PAN3: variants seen among roughly 807,000 people sequenced by gnomAD.
PAN3 encodes PAN2-PAN3 deadenylation complex subunit PAN3.
Under a neutral mutation model 96.2 loss-of-function variants are expected in PAN3, and 19 were observed. The ratio of observed to expected loss-of-function variants is 0.20; its 90% CI spans 0.14 to 0.29. The LOEUF is 0.29. PAN3 is among the 10% of genes least tolerant of loss of function. The pLI is 1.00. For missense variants in PAN3, 882 were observed against 1,108.1 expected (o/e 0.80, Z 2.90); for synonymous variants, 433 against 406.6 (o/e 1.06, Z -0.78).
chr13:28,195,264 G>A (rs1447011957), intron 4 of PAN3, among the ~76,000 whole-genome samples: 5 of 152,110 alleles, frequency 3.3e-5, no homozygotes, highest in East Asian at 3.9e-4. Context: ...TTAGCCTGGC[G>A]TGGTGGCACA....
chr13:28,146,951 C>T (rs912505570), intron 1 of PAN3, among the ~76,000 whole-genome samples: 2 of 151,760 alleles, frequency 1.3e-5, no homozygotes, highest in Non-Finnish European at 2.9e-5. Flanking sequence ...CCACTGCATT[C>T]CAGCCTGGTG....
At chr13:28,261,820 G>T in intron 9 of PAN3, among the ~76,000 whole-genome samples, 1 of 113,204 alleles carries the variant, frequency 8.8e-6, no homozygotes, top group Non-Finnish European at 1.7e-5. Context: ...GTGACAGAGT[G>T]AGACCCTGTC....
chr13:28,206,751 G>A (rs78296348), intron 5 of PAN3, among the ~76,000 whole-genome samples: 1 of 105,608 alleles, frequency 9.5e-6, no homozygotes, highest in East Asian at 2.6e-4. Context: ...TTTTTTTTTT[G>A]TAAGACTTCT....
chr13:28,220,186 T>G, intron 5 of PAN3, 45 bp from the exon 6 acceptor site: 1 of 1,566,490 alleles, frequency 6.4e-7, no homozygotes, highest in Non-Finnish European at 8.7e-7. Flanking sequence ...AATGTCTTTT[T>G]TCGGCTTAAA....
At chr13:28,141,003 C>CATTTTTTTTTT (rs1869701953) in intron 1 of PAN3, among the ~76,000 whole-genome samples, 1 of 112,944 alleles carries the variant, frequency 8.9e-6, no homozygotes, top group Non-Finnish European at 1.8e-5. Context: ...GAAAGAGACA[C>CATTTTTTTTTT]TTTTTTTTTT....
At chr13:28,244,796 T>A (rs1884020092) in intron 6 of PAN3, among the ~76,000 whole-genome samples, 1 of 152,204 alleles carries the variant, frequency 6.6e-6, no homozygotes, top group South Asian at 2.1e-4. Context: ...TGATGCTTTT[T>A]TTCCCCCACA....
intron 8 of PAN3, among the ~76,000 whole-genome samples, chr13:28,261,183 C>G (rs1885690190): frequency 6.6e-6 from 1 of 152,176 alleles, no homozygotes; most frequent in African/African-American, 2.4e-5. Flanking sequence ...AGGGGCACAT[C>G]TACTTAAACC....
chr13:28,209,265 G>A (rs1879749283), intron 5 of PAN3, among the ~76,000 whole-genome samples: 1 of 152,152 alleles, frequency 6.6e-6, no homozygotes, highest in Non-Finnish European at 1.5e-5. Flanking sequence ...GTACGAAGAA[G>A]AAGGCAAAAA....
intron 4 of PAN3, among the ~76,000 whole-genome samples, chr13:28,189,569 C>T (rs1277087891): frequency 6.6e-6 from 1 of 152,038 alleles, no homozygotes. Context: ...AGATCAAGCT[C>T]CAAGGGGGCA....
intron 12 of PAN3, among the ~76,000 whole-genome samples, chr13:28,270,221 A>AG (rs1289927582): frequency 1.3e-5 from 2 of 152,234 alleles, no homozygotes; most frequent in African/African-American, 4.8e-5. Flanking sequence ...TTTGTGGTAG[A>AG]GGGGCCTGAG....
rs982422372 is a variant in PAN3 at position 28,212,372 on chromosome 13, C to G, written c.853-7859C>G. On this transcript the variant is annotated intron_variant, in intron 5 of 18. Transcript: ENST00000380958. ...TAATTTGTAAGCAGTTTAGCTACAA[C>G]AGAGAGCAAAGGTCAAGAAGATTTA... Among the ~76,000 whole-genome samples, 3 of 152,098 alleles carry G rather than the reference C, an allele frequency of 2.0e-5. No homozygotes were observed. In the South Asian group the frequency reaches 6.2e-4, roughly 32 times the overall value.
At chr13:28,255,614 C>T (rs967539565) in intron 6 of PAN3, among the ~76,000 whole-genome samples, 1 of 151,982 alleles carries the variant, frequency 6.6e-6, no homozygotes, top group African/African-American at 2.4e-5. Flanking sequence ...TATCAATTGG[C>T]CTAATTCTAA....
intron 1 of PAN3, among the ~76,000 whole-genome samples, chr13:28,167,082 A>ATTTTTTTTTTTTTT (rs1158467405): frequency 1.7e-5 from 2 of 118,338 alleles, no homozygotes; most frequent in African/African-American, 3.2e-5. Context: ...TTTTATCTTA[A>ATTTTTTTTTTTTTT]TTTTTTTTTT....
intron 2 of PAN3, among the ~76,000 whole-genome samples, chr13:28,174,742 C>A (rs1874742183): frequency 6.6e-6 from 1 of 152,158 alleles, no homozygotes; most frequent in African/African-American, 2.4e-5. Context: ...AGTTAAGTTA[C>A]AAAAGGGCCT....
chr13:28,220,601 AACTC>A (rs763017873), intron 6 of PAN3, among the ~76,000 whole-genome samples: 2 of 152,074 alleles, frequency 1.3e-5, no homozygotes, highest in East Asian at 3.8e-4. Context: ...TTATATATAA[AACTC>A]ACAAAAAAAT....
At chr13:28,150,889 C>T (rs1871281327) in intron 1 of PAN3, among the ~76,000 whole-genome samples, 1 of 151,972 alleles carries the variant, frequency 6.6e-6, no homozygotes, top group Non-Finnish European at 1.5e-5. Flanking sequence ...ATGGGTAAAG[C>T]AGACAGTATT....
intron 1 of PAN3, among the ~76,000 whole-genome samples, chr13:28,162,833 C>A (rs79312986): frequency 0.056 from 8,422 of 149,420 alleles, 306 homozygotes; most frequent in South Asian, 0.15. Context: ...CAGAGGGAGA[C>A]TTTTTCTCAA....
At position 28,174,312 on chromosome 13, in the gene PAN3, C is replaced by T. The variant is rs45474200; in HGVS notation, c.471C>T (p.Leu157=). The T allele has an allele frequency of 5.6e-6, 9 of 1,612,860 alleles. No homozygotes were observed. The African/African-American group carries it at 1.1e-4, about 19-fold the overall frequency. The part of the protein sequence containing the change: ...MDGGALTDTS[L]TDSYFSTSFI... ...GAGGTGCTTTAACTGATACAAGTCT[C>T]ACAGATTCCTATTTTAGCACCAGCT... The change falls in exon 2 of 19, where the codon CTC becomes CTT. Residue 157 remains leucine (L), a synonymous_variant. Coordinates refer to ENST00000380958, the MANE Select transcript of PAN3 (RefSeq NM_175854.8).
intron 1 of PAN3, among the ~76,000 whole-genome samples, chr13:28,140,348 T>A (rs1289386133): frequency 3.9e-5 from 6 of 152,206 alleles, no homozygotes; most frequent in African/African-American, 1.4e-4. Flanking sequence ...TCTTAGTATA[T>A]TGAGCGTTTC....
Sources: gnomAD v4.1 joint callset for allele counts (sites outside exome capture counted in the v4.1 genomes callset) on GRCh38, gnomAD v4.1.1 for gene constraint, MANE v1.5 for transcripts, NCBI Gene and HGNC (gene_info 2026-07-23, HGNC 2026-07-21) for gene names.